PARD3: variants seen among roughly 807,000 people sequenced by gnomAD.
PARD3 encodes partitioning defective 3 homolog.
PARD3 carries 75 observed loss-of-function variants against 155.4 expected under a neutral mutation model. That is an observed-to-expected ratio of 0.48 (90% CI 0.40 to 0.58). The LOEUF (loss-of-function observed/expected upper bound fraction) is 0.58, where lower values mean the gene tolerates loss of function less well. PARD3 is among the 20% of genes least tolerant of loss of function. The pLI is 0.00. For missense variants in PARD3, 1,642 were observed against 1,721.7 expected (o/e 0.95, Z 0.82); for synonymous variants, 576 against 610.5 (o/e 0.94, Z 0.83).
chr10:34,310,796 A>T (rs890498325), intron 20 of PARD3, among the ~76,000 whole-genome samples: 3 of 152,238 alleles, frequency 2.0e-5, no homozygotes, highest in African/African-American at 7.2e-5. Flanking sequence ...GCATACATTA[A>T]GTCCTTAGGA....
chr10:34,276,643 C>T (rs1247541196), intron 21 of PARD3, among the ~76,000 whole-genome samples: 2 of 152,064 alleles, frequency 1.3e-5, no homozygotes, highest in African/African-American at 4.8e-5. Context: ...AGAAAAGGTA[C>T]CAGGTACGGG....
At chr10:34,489,037 T>C (rs1205921567) in intron 3 of PARD3, among the ~76,000 whole-genome samples, 1 of 152,140 alleles carries the variant, frequency 6.6e-6, no homozygotes, top group Admixed American at 6.5e-5. Flanking sequence ...AAGTCTTTCT[T>C]CCAAAGACAA....
chr10:34,366,676 C>T (rs1839996380), intron 12 of PARD3, among the ~76,000 whole-genome samples: 1 of 152,098 alleles, frequency 6.6e-6, no homozygotes, highest in African/African-American at 2.4e-5. Flanking sequence ...GTATCTGAGA[C>T]AATATGAACA....
chr10:34,561,473 A>G (rs914766318), intron 2 of PARD3, among the ~76,000 whole-genome samples: 1 of 152,152 alleles, frequency 6.6e-6, no homozygotes, highest in African/African-American at 2.4e-5. Flanking sequence ...GTCATTTTCC[A>G]CAACAGATGT....
chr10:34,421,388 ATAT>A (rs1846173595), intron 5 of PARD3, among the ~76,000 whole-genome samples: 1 of 150,572 alleles, frequency 6.6e-6, no homozygotes. Flanking sequence ...GTAATTAGTT[ATAT>A]TAGTTATTAA....
intron 22 of PARD3, among the ~76,000 whole-genome samples, chr10:34,249,598 A>G (rs1032202046): frequency 6.6e-6 from 1 of 152,202 alleles, no homozygotes; most frequent in Non-Finnish European, 1.5e-5. Flanking sequence ...CTCTCCCCCA[A>G]AAAACTAAGA....
At chr10:34,491,553 T>A (rs2079908166) in intron 3 of PARD3, among the ~76,000 whole-genome samples, 1 of 152,208 alleles carries the variant, frequency 6.6e-6, no homozygotes, top group Non-Finnish European at 1.5e-5. Flanking sequence ...AGTAAACAAA[T>A]TTACAGAAGC....
intron 1 of PARD3, among the ~76,000 whole-genome samples, chr10:34,724,943 CATT>C (rs2094674647): frequency 1.3e-5 from 2 of 152,200 alleles, no homozygotes; most frequent in East Asian, 1.9e-4. Context: ...AGCATCAGCT[CATT>C]CAGTACAAGC....
rs5784409 is a variant in PARD3 at position 34,303,162 on chromosome 10, A to ATTTT, written c.3065+13941_3065+13944dup. Among the ~76,000 whole-genome samples, 16 of 131,976 alleles carry ATTTT rather than the reference A, an allele frequency of 1.2e-4. 1 individual carries two copies. The highest frequency in any genetic ancestry group is 2.1e-4 in the African/African-American group (7 of 33,532). The allele number at this position is 131,976 out of a possible 152,430, so 86.6% of individuals were successfully genotyped here. On this transcript the variant is annotated intron_variant, in intron 20 of 24. Transcript: ENST00000374788. ...AGAATTTATTTTACTGCCCAGGTGA[A>ATTTT]TTTTTTTTTTTTTTTTTTTTGTGCA...
Position 34,662,871 on chromosome 10 carries a change from G to GAAA in PARD3, c.222+33444_222+33446dup, listed in dbSNP as rs568672135. On this transcript the variant is annotated intron_variant, in intron 2 of 24. Transcript: ENST00000374788. ...TGGGTGACAGTGAGAAACTGTCTCA[G>GAAA]AAAAAAAAAAAAAAAGAATCAAACT... is the stretch of plus-strand genomic sequence containing the variant. 3.2e-5 allele frequency among the ~76,000 whole-genome samples: 4 copies of GAAA among 123,644 alleles called. No individual in the cohort carries two copies. The South Asian group carries it at 7.4e-4, about 23-fold the overall frequency. The allele number at this position is 123,644 out of a possible 152,430, so 81.1% of individuals were successfully genotyped here. A position where few individuals can be genotyped will look rare whatever the true frequency, so the allele number is the denominator to read the frequency against.
chr10:34,253,520 A>G (rs1162663328), intron 22 of PARD3, among the ~76,000 whole-genome samples: 2 of 152,244 alleles, frequency 1.3e-5, no homozygotes, highest in Non-Finnish European at 2.9e-5. Flanking sequence ...CCTAGAAGCC[A>G]TCTGGTTGCT....
chr10:34,273,264 C>T (rs746473268), intron 21 of PARD3, among the ~76,000 whole-genome samples: 2 of 151,884 alleles, frequency 1.3e-5, no homozygotes, highest in East Asian at 3.9e-4. Flanking sequence ...ACAAAAAAAA[C>T]AAAAAAACTG....
intron 3 of PARD3, among the ~76,000 whole-genome samples, chr10:34,491,920 A>G (rs2079936958): frequency 6.6e-6 from 1 of 152,214 alleles, no homozygotes; most frequent in Non-Finnish European, 1.5e-5. Flanking sequence ...AAAAAATGAA[A>G]ACAAGAAAAA....
intron 2 of PARD3, among the ~76,000 whole-genome samples, chr10:34,686,505 G>A (rs987966499): frequency 3.0e-4 from 45 of 152,104 alleles, no homozygotes; most frequent in African/African-American, 9.9e-4. Flanking sequence ...GGAGGCCGAG[G>A]CGGGTGGATG....
chr10:34,778,894 C>T (rs1839911885), intron 1 of PARD3, among the ~76,000 whole-genome samples: 1 of 152,190 alleles, frequency 6.6e-6, no homozygotes, highest in East Asian at 1.9e-4. Flanking sequence ...AAAGGACTGA[C>T]AAACAGCAGC....
intron 23 of PARD3, among the ~76,000 whole-genome samples, chr10:34,121,665 C>T (rs934054958): frequency 6.6e-6 from 1 of 152,232 alleles, no homozygotes; most frequent in Admixed American, 6.5e-5. Flanking sequence ...CACAACCTTA[C>T]TTGTTGATAA....
chr10:34,723,295 G>C, intron 1 of PARD3, among the ~76,000 whole-genome samples: 1 of 152,054 alleles, frequency 6.6e-6, no homozygotes, highest in East Asian at 1.9e-4. Context: ...CTCTGTCTGG[G>C]GGACAAAAAA....
At chr10:34,352,338 GCTCCCCTCTCCCCT>G (rs539459773) in intron 14 of PARD3, among the ~76,000 whole-genome samples, 3 of 151,150 alleles carry the variant, frequency 2.0e-5, no homozygotes, top group South Asian at 2.1e-4. Context: ...ACTCTTTTTT[GCTCCCCTCTCCCCT>G]CTCCCCTCTC....
At chr10:34,196,759 G>C (rs555766991) in intron 22 of PARD3, among the ~76,000 whole-genome samples, 2 of 151,786 alleles carry the variant, frequency 1.3e-5, no homozygotes, top group Non-Finnish European at 2.9e-5. Flanking sequence ...ATTTTTAGTA[G>C]AGACAGGGTT....
Sources: gnomAD v4.1 joint callset for allele counts (sites outside exome capture counted in the v4.1 genomes callset) on GRCh38, gnomAD v4.1.1 for gene constraint, MANE v1.5 for transcripts, NCBI Gene and HGNC (gene_info 2026-07-23, HGNC 2026-07-21) for gene names.